SDHC: variants seen among roughly 807,000 people sequenced by gnomAD.
SDHC encodes succinate dehydrogenase complex subunit C, also known as succinate dehydrogenase cytochrome b560 subunit, mitochondrial.
SDHC carries 11 observed loss-of-function variants against 22.6 expected under a neutral mutation model. That is an observed-to-expected ratio of 0.49 (90% CI 0.31 to 0.81). The LOEUF (loss-of-function observed/expected upper bound fraction) is 0.81. SDHC is among the 30% of genes least tolerant of loss of function. The pLI, the probability that SDHC is intolerant of heterozygous loss-of-function variation, is 0.05. For synonymous variants in SDHC, 80 were observed against 77.8 expected (o/e 1.03, Z -0.15); for missense variants, 160 against 212.0 (o/e 0.75, Z 1.52).
At chr1:161,347,246 G>T (rs894591420) in intron 4 of SDHC, among the ~76,000 whole-genome samples, 6 of 152,000 alleles carry the variant, frequency 3.9e-5, no homozygotes, top group Non-Finnish European at 7.4e-5. Flanking sequence ...TTATGACGAG[G>T]TCTGTTTCTT....
chr1:161,353,681 T>TA (rs1341856810), intron 4 of SDHC, among the ~76,000 whole-genome samples: 9 of 151,980 alleles, frequency 5.9e-5, no homozygotes, highest in African/African-American at 7.3e-5. Context: ...AGACATTTTT[T>TA]AAAAAAAATC....
chr1:161,332,137 C>G (rs1671300673), intron 3 of SDHC, among the ~76,000 whole-genome samples: 1 of 152,090 alleles, frequency 6.6e-6, no homozygotes. Flanking sequence ...GCCACCACAC[C>G]TGGCTAGTTT....
chr1:161,317,709 G>T (rs1002630768), intron 1 of SDHC, among the ~76,000 whole-genome samples: 1 of 151,056 alleles, frequency 6.6e-6, no homozygotes, highest in Non-Finnish European at 1.5e-5. Context: ...CTACAGGCGT[G>T]TGCCACCATG....
At chr1:161,318,100 A>G (rs1670694734) in intron 1 of SDHC, among the ~76,000 whole-genome samples, 1 of 151,786 alleles carries the variant, frequency 6.6e-6, no homozygotes, top group South Asian at 2.1e-4. Context: ...TGAACCTGGG[A>G]GGCGGAGGTT....
Position 161,346,224 on chromosome 1 carries a change from G to A in SDHC, c.241+5569G>A, listed in dbSNP as rs530321763. Among the ~76,000 whole-genome samples the A allele has an allele frequency of 2.0e-5, 3 of 152,256 alleles. No individual in the cohort carries two copies. The East Asian group carries it at 5.8e-4, about 29-fold the overall frequency. On this transcript the variant is annotated intron_variant, in intron 4 of 5. Transcript: ENST00000367975. ...CTTAGAAAATCTTTATTTACTAAAT[G>A]AACATACCCATGTAAATCACTTTGC...
At chr1:161,343,665 A>G (rs1671795472) in intron 4 of SDHC, among the ~76,000 whole-genome samples, 1 of 152,164 alleles carries the variant, frequency 6.6e-6, no homozygotes, top group African/African-American at 2.4e-5. Flanking sequence ...TTAGAATAAG[A>G]AATTTTTAGA....
At chr1:161,335,517 A>G (rs1192439944) in intron 3 of SDHC, among the ~76,000 whole-genome samples, 4 of 152,164 alleles carry the variant, frequency 2.6e-5, no homozygotes, top group African/African-American at 9.7e-5. Flanking sequence ...TTGATAGGGT[A>G]AAGCTTGCTT....
chr1:161,330,504 G>A (rs922569230), intron 3 of SDHC, among the ~76,000 whole-genome samples: 3 of 152,192 alleles, frequency 2.0e-5, no homozygotes, highest in African/African-American at 7.2e-5. Flanking sequence ...ATCCTTTGCA[G>A]CTATTGGCTT....
In SDHC at chr1:161,357,093, G is replaced by GTTAA. The variant is rs61234630; in HGVS notation, c.405+255_405+256insAATT. On this transcript the variant is annotated intron_variant, in intron 5 of 5. Coordinates refer to ENST00000367975, the MANE Select transcript of SDHC (RefSeq NM_003001.5). ...TTATAGACGCATGCCACCACTCCTGGTTTTTGTATTTTTAGTAGAGATGGG... is the reference window on the plus strand; with the variant it reads ...TTATAGACGCATGCCACCACTCCTGGTTAATTTTTGTATTTTTAGTAGAGATGGG... Among the ~76,000 whole-genome samples the GTTAA allele has an allele frequency of 0.12, 17,729 of 151,906 alleles. 1,389 individuals carry two copies. The highest frequency in any genetic ancestry group is 0.22 in the African/African-American group (8,934 of 41,414).
chr1:161,362,685 G>A lies in SDHC; in HGVS notation c.*252G>A, dbSNP rs1284811873. 60 of 664,388 alleles carry A rather than the reference G, an allele frequency of 9.0e-5. No individual in the cohort carries two copies. The East Asian group carries it at 1.2e-3, about 13-fold the overall frequency. The allele number at this position is 664,388 out of a possible 1,614,324, so 41.2% of individuals were successfully genotyped here. ...TTTTGCCCACAGCTTGCCTACTCTC[G>A]GCCTAGAAGCAGTTATTCTCTCTCC... On this transcript the variant is annotated 3_prime_UTR_variant, in exon 6 of 6. Coordinates refer to ENST00000367975, the MANE Select transcript of SDHC (RefSeq NM_003001.5).
intron 4 of SDHC, among the ~76,000 whole-genome samples, chr1:161,355,809 C>G (rs1672248338): frequency 6.6e-6 from 1 of 151,876 alleles, no homozygotes; most frequent in Non-Finnish European, 1.5e-5. Context: ...CATGGCAAAA[C>G]CCTGTCTCTA....
chr1:161,360,997 C>T (rs963864919), intron 5 of SDHC, among the ~76,000 whole-genome samples: 1 of 152,008 alleles, frequency 6.6e-6, no homozygotes, highest in African/African-American at 2.4e-5. Flanking sequence ...CCTGTAGTCC[C>T]AGCCACTGGC....
chr1:161,334,955 G>C (rs1671415668), intron 3 of SDHC, among the ~76,000 whole-genome samples: 1 of 152,232 alleles, frequency 6.6e-6, no homozygotes, highest in Middle Eastern at 3.4e-3. Flanking sequence ...TAAACCGTAG[G>C]TCCCATTCAA....
At chr1:161,352,991 A>G (rs1672144073) in intron 4 of SDHC, among the ~76,000 whole-genome samples, 1 of 152,174 alleles carries the variant, frequency 6.6e-6, no homozygotes, top group African/African-American at 2.4e-5. Context: ...AAAAAAAAAG[A>G]AAAAAGAAAA....
At chr1:161,350,933 G>A (rs1028012477) in intron 4 of SDHC, among the ~76,000 whole-genome samples, 1 of 152,086 alleles carries the variant, frequency 6.6e-6, no homozygotes, top group Admixed American at 6.6e-5. Context: ...TCTTGGGAGG[G>A]GCAAAGAATG....
At chr1:161,333,401 CTT>C (rs71581410) in intron 3 of SDHC, among the ~76,000 whole-genome samples, 57 of 130,376 alleles carry the variant, frequency 4.4e-4, no homozygotes, top group Non-Finnish European at 4.3e-4. Flanking sequence ...CTATGTTTAA[CTT>C]TTTTTTTTTT....
At chr1:161,322,348 C>T (rs1302736061) in intron 1 of SDHC, among the ~76,000 whole-genome samples, 1 of 152,046 alleles carries the variant, frequency 6.6e-6, no homozygotes, top group African/African-American at 2.4e-5. Flanking sequence ...TCAAAAATGG[C>T]AATTTTTAAG....
Position 161,323,199 on chromosome 1 carries a change from C to T in SDHC, c.21-415C>T, listed in dbSNP as rs893026291. 8.8e-4 allele frequency among the ~76,000 whole-genome samples: 134 copies of T among 151,986 alleles called. 1 individual carries two copies. Among genetic ancestry groups the T allele is most frequent in the Non-Finnish European group, 1.5e-3 (100 of 67,950 alleles). ...ATTTTTAGTAGAGACGGGGTTTCAC[C>T]GTGTTAGCCAGGATGGTCTCGATCT... On this transcript the variant is annotated intron_variant, in intron 1 of 5. Transcript: ENST00000367975.
intron 1 of SDHC, among the ~76,000 whole-genome samples, chr1:161,317,906 G>A (rs1558161345): frequency 2.0e-5 from 3 of 152,002 alleles, no homozygotes; most frequent in Non-Finnish European, 4.4e-5. Flanking sequence ...GGGCATGGTG[G>A]CTCATGCCTG....
Sources: allele counts gnomAD v4.1 joint callset (sites outside exome capture counted in the v4.1 genomes callset), GRCh38; gene constraint gnomAD v4.1.1; transcripts MANE v1.5; gene names NCBI Gene and HGNC (gene_info 2026-07-23, HGNC 2026-07-21).